MALRD1: variants seen among roughly 807,000 people sequenced by gnomAD.
MALRD1 encodes MAM and LDL receptor class A domain containing 1.
A neutral mutation model predicts 242.1 loss-of-function variants in MALRD1; 247 were observed. The observed-to-expected ratio is 1.02, with a 90% CI of 0.92 to 1.13. MALRD1 has a LOEUF of 1.13. Ranked by LOEUF, MALRD1 falls within the 50% of genes most tolerant of loss-of-function variation. The pLI is 0.00. For missense variants in MALRD1, 2,989 were observed against 2,533.1 expected, an observed-to-expected ratio of 1.18 and a Z score of -3.86; for synonymous variants, 995 against 866.6, an observed-to-expected ratio of 1.15 and a Z score of -2.60.
chr10:19,226,442 C>T (rs573921195), intron 18 of MALRD1, among the ~76,000 whole-genome samples: 84 of 151,980 alleles, frequency 5.5e-4, no homozygotes, highest in Non-Finnish European at 1.1e-3. Context: ...GTCCTCTCTC[C>T]CTAGTTCTTT....
At chr10:19,123,174 G>A (rs1326867849) in intron 5 of MALRD1, among the ~76,000 whole-genome samples, 1 of 152,134 alleles carries the variant, frequency 6.6e-6, no homozygotes, top group Non-Finnish European at 1.5e-5. Flanking sequence ...CCAACATTAG[G>A]GCAATTTTTT....
chr10:19,685,529 G>C (rs1211860900), intron 36 of MALRD1, among the ~76,000 whole-genome samples: 2 of 152,228 alleles, frequency 1.3e-5, no homozygotes, highest in East Asian at 3.9e-4. Flanking sequence ...ATTCAAACTG[G>C]CTCAAATGAT....
chr10:19,196,805 G>A lies in MALRD1; in HGVS notation c.1952-6923G>A, dbSNP rs12572633. Among the ~76,000 whole-genome samples, 2,333 of 152,096 alleles carry A rather than the reference G, an allele frequency of 0.015. 99 individuals are homozygous for A. In the East Asian group the frequency reaches 0.18, roughly 12 times the overall value. On this transcript the variant is annotated intron_variant, in intron 14 of 39. Transcript: ENST00000454679. ...TACCTCCATGGTTCCAAATGCTTAGGTTAAAGACTTTGAAATCATTAACTT... is the reference window on the plus strand; with the variant it reads ...TACCTCCATGGTTCCAAATGCTTAGATTAAAGACTTTGAAATCATTAACTT...
chr10:19,257,194 A>T (rs1329221466), intron 18 of MALRD1, among the ~76,000 whole-genome samples: 1 of 152,090 alleles, frequency 6.6e-6, no homozygotes, highest in African/African-American at 2.4e-5. Context: ...GTGTTACAGA[A>T]TCAGTGTCAT....
chr10:19,132,744 TA>T (rs2131402944), intron 8 of MALRD1, among the ~76,000 whole-genome samples: 1 of 152,290 alleles, frequency 6.6e-6, no homozygotes, highest in African/African-American at 2.4e-5. Flanking sequence ...TATTGTTACC[TA>T]AAAATTCATG....
chr10:19,202,512 T>C (rs1433356204), intron 14 of MALRD1, among the ~76,000 whole-genome samples: 1 of 152,156 alleles, frequency 6.6e-6, no homozygotes, highest in Non-Finnish European at 1.5e-5. Context: ...TCCCTATAAT[T>C]TTATTATTAC....
At chr10:19,532,747 G>GAA (rs10648277) in intron 32 of MALRD1, among the ~76,000 whole-genome samples, 1 of 151,632 alleles carries the variant, frequency 6.6e-6, no homozygotes, top group Non-Finnish European at 1.5e-5. Flanking sequence ...TCCTGACTCT[G>GAA]TGTCTGTTTT....
chr10:19,403,211 A>T (rs149827222), intron 28 of MALRD1, among the ~76,000 whole-genome samples: 1 of 152,170 alleles, frequency 6.6e-6, no homozygotes, highest in African/African-American at 2.4e-5. Context: ...CCCTTACATC[A>T]TATTGTGAAT....
At chr10:19,233,563 T>C (rs1021003617) in intron 18 of MALRD1, among the ~76,000 whole-genome samples, 1 of 147,754 alleles carries the variant, frequency 6.8e-6, no homozygotes, top group Admixed American at 7.2e-5. Context: ...ACATTGTAAA[T>C]GATTTTTTTT....
intron 36 of MALRD1, among the ~76,000 whole-genome samples, chr10:19,681,403 G>C (rs190215251): frequency 1.3e-4 from 20 of 152,062 alleles, no homozygotes; most frequent in African/African-American, 4.3e-4. Flanking sequence ...ATTTCAGCAA[G>C]ATAGTCTTTA....
chr10:19,420,428 A>G (rs1446626561), intron 28 of MALRD1, among the ~76,000 whole-genome samples: 1 of 152,214 alleles, frequency 6.6e-6, no homozygotes, highest in Non-Finnish European at 1.5e-5. Context: ...TAGAACTTAT[A>G]TCTAACAAAA....
intron 39 of MALRD1, among the ~76,000 whole-genome samples, chr10:19,733,759 A>C (rs1291179118): frequency 2.7e-5 from 4 of 150,498 alleles, no homozygotes; most frequent in Non-Finnish European, 5.9e-5. Flanking sequence ...AACTTAAATG[A>C]AATGGCATTT....
intron 14 of MALRD1, among the ~76,000 whole-genome samples, chr10:19,202,840 G>A (rs1271971374): frequency 2.6e-5 from 4 of 151,882 alleles, no homozygotes; most frequent in East Asian, 1.9e-4. Flanking sequence ...CAACAGTTGC[G>A]GAAAGAATCT....
At chr10:19,125,890 C>A (rs1056166443) in intron 7 of MALRD1, among the ~76,000 whole-genome samples, 1 of 151,970 alleles carries the variant, frequency 6.6e-6, no homozygotes, top group Non-Finnish European at 1.5e-5. Flanking sequence ...TGCTTTCCTT[C>A]TTGGTTCCCT....
At chr10:19,258,214 A>G (rs577229423) in intron 19 of MALRD1, among the ~76,000 whole-genome samples, 161 of 152,278 alleles carry the variant, frequency 1.1e-3, no homozygotes, top group South Asian at 9.8e-3. Flanking sequence ...TTAAAATGAC[A>G]TAAATGACAT....
chr10:19,672,232 C>G (rs1841953256), intron 36 of MALRD1, among the ~76,000 whole-genome samples: 1 of 151,922 alleles, frequency 6.6e-6, no homozygotes, highest in Non-Finnish European at 1.5e-5. Flanking sequence ...CATCTAACAA[C>G]AAAGATACAT....
intron 19 of MALRD1, among the ~76,000 whole-genome samples, chr10:19,265,265 G>A (rs1199220064): frequency 1.3e-5 from 2 of 151,606 alleles, no homozygotes; most frequent in African/African-American, 4.8e-5. Context: ...TTAATTTGGA[G>A]CTTAGTTTGT....
intron 8 of MALRD1, among the ~76,000 whole-genome samples, chr10:19,132,011 G>A (rs1051602901): frequency 1.3e-5 from 2 of 152,122 alleles, no homozygotes; most frequent in Admixed American, 6.6e-5. Context: ...ACTGGAAAAT[G>A]TATAGAAAAA....
At position 19,368,765 on chromosome 10, in the gene MALRD1, T is replaced by C. The variant is rs76945405; in HGVS notation, c.4441+16468T>C. Among the ~76,000 whole-genome samples the C allele has an allele frequency of 5.2e-3, 790 of 151,868 alleles. 12 individuals carry two copies. The highest frequency in any genetic ancestry group is 0.018 in the African/African-American group (753 of 41,470). On this transcript the variant is annotated intron_variant, in intron 26 of 39. Transcript: ENST00000454679. ...GATCATGGGATGTTTTTCCATTCCT[T>C]TGTATCCTCTTCAATTTCTTTCCTC...
Sources: allele counts gnomAD v4.1 joint callset (sites outside exome capture counted in the v4.1 genomes callset), GRCh38; gene constraint gnomAD v4.1.1; transcripts MANE v1.5; gene names NCBI Gene and HGNC (gene_info 2026-07-23, HGNC 2026-07-21).